The following SENP1 variants were observed in gnomAD, a reference collection of about 807,000 sequenced individuals.
SENP1 encodes the protein SUMO specific peptidase 1, also known as sentrin-specific protease 1.
In SENP1, 21 loss-of-function variants were observed where a neutral mutation model predicts 93.0. That is an observed-to-expected ratio of 0.23 (90% CI 0.16 to 0.33). The LOEUF is 0.33. Among genes scored for constraint, SENP1 ranks in the 10% least tolerant of loss-of-function variants. SENP1 has a pLI of 1.00. For synonymous variants in SENP1, 256 were observed against 259.6 expected (o/e 0.99, Z 0.13); for missense variants, 591 against 758.7 (o/e 0.78, Z 2.60).
intron 4 of SENP1, among the ~76,000 whole-genome samples, chr12:48,090,314 C>T (rs1468695213): frequency 1.3e-5 from 2 of 152,138 alleles, no homozygotes; most frequent in Admixed American, 6.5e-5. Flanking sequence ...TTGATTAGGG[C>T]ATGATCTAAA....
chr12:48,081,846 G>A (rs1180957599), intron 6 of SENP1, among the ~76,000 whole-genome samples: 1 of 151,536 alleles, frequency 6.6e-6, no homozygotes, highest in Non-Finnish European at 1.5e-5. Flanking sequence ...GATTGTACAT[G>A]AGCCACCATG....
At chr12:48,095,294 T>C (rs747701134) in intron 4 of SENP1, among the ~76,000 whole-genome samples, 1 of 152,048 alleles carries the variant, frequency 6.6e-6, no homozygotes, top group Non-Finnish European at 1.5e-5. Context: ...CCCAGCACTT[T>C]GGGAGGGGGA....
rs1211367324 is a variant in SENP1, at chr12:48,043,785, T to C, written c.*1537A>G. On this transcript the variant is annotated 3_prime_UTR_variant, in exon 18 of 18. Coordinates refer to ENST00000549518, the MANE Select transcript of SENP1 (RefSeq NM_001267594.2). ...ACAATGGAATATTTAAAAAAAATAG[T>C]TTTCTTTTCAAATTGTAACTTGTGG... 1 of 152,580 alleles carries C rather than the reference T, an allele frequency of 6.6e-6. No homozygotes were observed. The highest frequency in any genetic ancestry group is 1.5e-5 in the Non-Finnish European group (1 of 68,030). The allele number at this position is 152,580 out of a possible 1,614,324, so 9.5% of individuals were successfully genotyped here.
chr12:48,045,198 C>A lies in SENP1; in HGVS notation c.*124G>T. 1.4e-6 allele frequency: 1 copy of A among 731,790 alleles called. No individual in the cohort carries two copies. The highest frequency in any genetic ancestry group is 1.6e-5 in the South Asian group (1 of 62,446). 45.3% of individuals were successfully genotyped at this position (731,790 alleles called of 1,614,324 possible). A position where few individuals can be genotyped will look rare whatever the true frequency, so the allele number is the denominator to read the frequency against. ...GCTTGTGAATGCATCTCGCCAGGGC[C>A]TGGTCCAGGATCAAGGGTGTTACAA... On this transcript the variant is annotated 3_prime_UTR_variant, in exon 18 of 18. Coordinates refer to ENST00000549518, the MANE Select transcript of SENP1 (RefSeq NM_001267594.2).
chr12:48,085,907 G>A (rs771495384), intron 5 of SENP1, among the ~76,000 whole-genome samples: 1 of 151,952 alleles, frequency 6.6e-6, no homozygotes, highest in Non-Finnish European at 1.5e-5. Flanking sequence ...GTATGCGTGC[G>A]CCTATGCATG....
chr12:48,098,574 C>T (rs1359494178), intron 2 of SENP1, among the ~76,000 whole-genome samples: 2 of 148,996 alleles, frequency 1.3e-5, no homozygotes, highest in African/African-American at 5.0e-5. Context: ...CCCTGGGAGG[C>T]AGAGGTTGCA....
chr12:48,088,984 A>G (rs780355210), intron 4 of SENP1, 24 bp from the exon 5 acceptor site: 51 of 1,575,032 alleles, frequency 3.2e-5, no homozygotes, highest in Admixed American at 5.8e-5. Context: ...AGTTTGAATA[A>G]ATTAAACAAA....
chr12:48,103,164 G>T (rs923339948), intron 1 of SENP1, among the ~76,000 whole-genome samples: 3 of 152,130 alleles, frequency 2.0e-5, no homozygotes, highest in Admixed American at 1.3e-4. Flanking sequence ...CAACTTAAAA[G>T]CTTGGTGCCC....
rs1261531237 is a variant in SENP1, at chr12:48,046,990, G to A, written c.1764C>T (p.Ser588=). The change falls in exon 16 of 18, where the codon AGC becomes AGT. Residue 588 remains serine, a synonymous_variant. Coordinates refer to ENST00000549518, the MANE Select transcript of SENP1 (RefSeq NM_001267594.2). ...EFDTNGWQLF[S]KKSQEIPQQM... ...AGATGAAAGGTACCTGGCTTTTCTT[G>A]CTGAAAAGCTGCCAGCCATTGGTGT... is the stretch of plus-strand genomic sequence containing the variant. 6.2e-7 allele frequency: 1 copy of A among 1,608,806 alleles called. No individual in the cohort carries two copies. Among genetic ancestry groups the A allele is most frequent in the Non-Finnish European group, 8.5e-7 (1 of 1,175,668 alleles).
chr12:48,074,879 C>T (rs1175409867), intron 6 of SENP1, 86 bp from the exon 7 acceptor site: 3 of 863,904 alleles, frequency 3.5e-6, no homozygotes, highest in Non-Finnish European at 3.6e-6. Context: ...AGAATCCTAG[C>T]TCTGCCAAAG....
intron 6 of SENP1, among the ~76,000 whole-genome samples, chr12:48,076,258 G>A (rs537146045): frequency 4.6e-5 from 7 of 152,310 alleles, no homozygotes; most frequent in African/African-American, 1.4e-4. Flanking sequence ...ATTTCGATAT[G>A]TGCTGGGACT....
intron 6 of SENP1, among the ~76,000 whole-genome samples, chr12:48,075,033 C>G (rs1043649077): frequency 3.3e-5 from 5 of 151,634 alleles, no homozygotes; most frequent in African/African-American, 9.7e-5. Context: ...ATAGTGAGAC[C>G]CCAACTCTAC....
intron 13 of SENP1, 194 bp downstream of exon 13, chr12:48,063,516 T>C (rs1165279179): frequency 2.1e-6 from 1 of 486,270 alleles, no homozygotes. Flanking sequence ...GACTTTAAAA[T>C]ACACCTGAGA....
intron 4 of SENP1, among the ~76,000 whole-genome samples, chr12:48,093,280 GTTTTTT>G (rs374804144): frequency 0.055 from 6,910 of 126,506 alleles, 180 homozygotes; most frequent in South Asian, 0.11. Flanking sequence ...TTCAGGTGAG[GTTTTTT>G]TTTTTTTTTT....
At chr12:48,081,623 T>C (rs958134914) in intron 6 of SENP1, among the ~76,000 whole-genome samples, 1 of 145,966 alleles carries the variant, frequency 6.9e-6, no homozygotes, top group Non-Finnish European at 1.5e-5. Context: ...CAGGCTGCAG[T>C]GCAGTGGCAC....
intron 6 of SENP1, among the ~76,000 whole-genome samples, chr12:48,075,561 A>G (rs1043463127): frequency 6.6e-6 from 1 of 152,228 alleles, no homozygotes; most frequent in African/African-American, 2.4e-5. Flanking sequence ...GGTACTTTCC[A>G]GAGACAATAT....
At chr12:48,104,073 T>C (rs528812642) in intron 1 of SENP1, among the ~76,000 whole-genome samples, 16 of 151,990 alleles carry the variant, frequency 1.1e-4, no homozygotes, top group African/African-American at 2.9e-4. Flanking sequence ...TAGCCAGGTA[T>C]GGTGGCAGGC....
At position 48,074,395 on chromosome 12, in the gene SENP1, T is replaced by A; in HGVS notation, c.869A>T (p.His290Leu). The change falls in exon 8 of 18, where the codon CAT (histidine) becomes CTT (leucine). Residue 290 changes from histidine (H) to leucine (L), a missense_variant. Physicochemically the swap from His to Leu is moderately conservative, Grantham distance 99. This residue lies in a region of SENP1 where 238 missense variants were observed against 259.1 expected (regional missense o/e 0.92). Coordinates refer to ENST00000549518, the MANE Select transcript of SENP1 (RefSeq NM_001267594.2). ...AFGSKDSGTL[H>L]HPHHHHSVPH... ...AACAGAGTGGTGATGATGGGGATGATGAAGAGTACCAGAATCTTTGGATCC... is the reference window on the plus strand; with the variant it reads ...AACAGAGTGGTGATGATGGGGATGAAGAAGAGTACCAGAATCTTTGGATCC... 3 of 1,613,828 alleles carry A rather than the reference T, an allele frequency of 1.9e-6. No homozygotes were observed. Among genetic ancestry groups the A allele is most frequent in the Admixed American group, 1.7e-5 (1 of 60,016 alleles).
At chr12:48,078,756 T>C (rs1429146788) in intron 6 of SENP1, among the ~76,000 whole-genome samples, 2 of 152,222 alleles carry the variant, frequency 1.3e-5, no homozygotes, top group African/African-American at 4.8e-5. Flanking sequence ...AAAATGAAAG[T>C]TACCTAAATA....
Sources: allele counts gnomAD v4.1 joint callset (sites outside exome capture counted in the v4.1 genomes callset), GRCh38; gene constraint gnomAD v4.1.1; regional missense constraint gnomAD v4.1.1; transcripts MANE v1.5; gene names NCBI Gene and HGNC (gene_info 2026-07-23, HGNC 2026-07-21).